The following BRI3 variants were observed in gnomAD, a reference collection of about 807,000 sequenced individuals.
The protein encoded by BRI3 is brain protein I3.
Under a neutral mutation model 12.8 loss-of-function variants are expected in BRI3, and 6 were observed. The observed-to-expected ratio is 0.47, with a 90% CI of 0.26 to 0.93. BRI3 has a LOEUF of 0.93. Ranked by LOEUF, BRI3 falls within the 40% of genes least tolerant of loss-of-function variation. The probability of loss-of-function intolerance (pLI) is 0.15; values close to 1 mark genes in which losing one functional copy is unlikely to be tolerated. For synonymous variants in BRI3, 91 were observed against 76.1 expected (o/e 1.20, Z -1.02); for missense variants, 134 against 171.1 (o/e 0.78, Z 1.21).
the BRI3 span, among the ~76,000 whole-genome samples, chr7:98,317,944 G>A: frequency 2.1e-5 from 3 of 141,534 alleles, no homozygotes; most frequent in African/African-American, 5.2e-5. Context: ...CACACTGGCC[G>A]GGGCCCTCAC....
In BRI3 at chr7:98,291,477, TG is replaced by T. The variant is rs1799952830; in HGVS notation, c.*235del. 7.4e-7 allele frequency: 1 copy of T among 1,342,904 alleles called. No individual in the cohort carries two copies. The highest frequency in any genetic ancestry group is 3.1e-5 in the East Asian group (1 of 32,198). 83.2% of individuals were successfully genotyped at this position (1,342,904 alleles called of 1,614,324 possible). On this transcript the variant is annotated 3_prime_UTR_variant, in exon 3 of 3. Coordinates refer to ENST00000297290, the MANE Select transcript of BRI3 (RefSeq NM_015379.5). ...CTTTTATTTTTTGCAGTCTTCAATT[TG>T]AGAAAGGTGAGAAATAATGTTTTCA...
At chr7:98,309,308 C>A (rs1403270405) in exon 2 of BRI3, 1 of 152,184 alleles carries the variant, frequency 6.6e-6, no homozygotes, top group African/African-American at 2.4e-5. Flanking sequence ...GCGCGTGCCA[C>A]CATGCTCGGC....
At chr7:98,287,362 G>T (rs893361769) in intron 2 of BRI3, among the ~76,000 whole-genome samples, 1 of 152,250 alleles carries the variant, frequency 6.6e-6, no homozygotes, top group Admixed American at 6.5e-5. Flanking sequence ...TGGCACAAAC[G>T]GCCCAGCCCT....
upstream of BRI3, among the ~76,000 whole-genome samples, chr7:98,304,865 ATTTTT>A (rs11423233): frequency 2.9e-5 from 4 of 136,318 alleles, no homozygotes; most frequent in African/African-American, 8.2e-5. Context: ...CTCACAAGAA[ATTTTT>A]TTTTTTTTTT....
downstream of BRI3, chr7:98,292,986 A>AGACCACCG: frequency 8.5e-7 from 1 of 1,176,412 alleles, no homozygotes; most frequent in Non-Finnish European, 1.1e-6. Flanking sequence ...CCATCTCTGG[A>AGACCACCG]AGCTCTACAC....
upstream of BRI3, among the ~76,000 whole-genome samples, chr7:98,302,870 G>A (rs1407478225): frequency 1.3e-5 from 2 of 152,092 alleles, no homozygotes; most frequent in Non-Finnish European, 2.9e-5. Context: ...CAGCAGCCTC[G>A]AACTTCTGGG....
At chr7:98,306,609 G>C in exon 1 of BRI3, 1 of 1,574,432 alleles carries the variant, frequency 6.4e-7, no homozygotes, top group Non-Finnish European at 8.7e-7. Flanking sequence ...GGGCAGACAG[G>C]TCCACTGCTC....
intron 1 of BRI3, among the ~76,000 whole-genome samples, chr7:98,298,630 A>AC (rs1800290239): frequency 6.6e-6 from 1 of 152,046 alleles, no homozygotes; most frequent in Non-Finnish European, 1.5e-5. Flanking sequence ...AACAAAAAAA[A>AC]CATGAGGATG....
At chr7:98,293,437 A>T, downstream of BRI3, 1 of 1,305,486 alleles carries the variant, frequency 7.7e-7, no homozygotes, top group Non-Finnish European at 1.1e-6. Flanking sequence ...AAGCTTCCCG[A>T]CCGTCAGCAC....
At chr7:98,310,739 T>C, downstream of BRI3, 1 of 622,598 alleles carries the variant, frequency 1.6e-6, no homozygotes, top group Non-Finnish European at 2.5e-6. Context: ...CAGGCTGGAG[T>C]ACAGTGGCAC....
the BRI3 span, chr7:98,317,440 G>A: frequency 6.4e-7 from 1 of 1,550,756 alleles, no homozygotes; most frequent in Non-Finnish European, 8.8e-7. Flanking sequence ...CTTCCACTGT[G>A]TGTGGCTCAA....
chr7:98,282,620 A>G (rs1799564133), intron 2 of BRI3, 167 bp downstream of exon 2: 2 of 623,222 alleles, frequency 3.2e-6, no homozygotes, highest in South Asian at 3.8e-5. Flanking sequence ...GCGGTGTGGG[A>G]GAGTGCGGGT....
upstream of BRI3, among the ~76,000 whole-genome samples, chr7:98,303,508 A>C (rs746641190): frequency 2.6e-5 from 4 of 152,206 alleles, no homozygotes; most frequent in South Asian, 8.3e-4. Context: ...CATGGCTTCT[A>C]GTGTCAGTGT....
At chr7:98,297,601 C>A (rs137967589), downstream of BRI3, among the ~76,000 whole-genome samples, 14 of 152,304 alleles carry the variant, frequency 9.2e-5, no homozygotes, top group African/African-American at 3.4e-4. Flanking sequence ...TTCCAGTCCT[C>A]GTCTGTGGCC....
intron 2 of BRI3, among the ~76,000 whole-genome samples, chr7:98,287,595 G>T (rs770900416): frequency 6.6e-6 from 1 of 152,236 alleles, no homozygotes; most frequent in Non-Finnish European, 1.5e-5. Flanking sequence ...GTGGGCCGGC[G>T]CCCTGGCCCG....
downstream of BRI3, chr7:98,293,455 A>T (rs906479734): frequency 2.7e-6 from 4 of 1,456,522 alleles, no homozygotes; most frequent in Non-Finnish European, 2.9e-6. Context: ...CACGTGGCAG[A>T]CAGGATGCGC....
At chr7:98,321,338 A>T in the BRI3 span, among the ~76,000 whole-genome samples, 2 of 152,316 alleles carry the variant, frequency 1.3e-5, no homozygotes, top group South Asian at 4.1e-4. Context: ...GGCACGAGAG[A>T]TAAAGGCTAT....
At chr7:98,304,887 T>C (rs567699795), upstream of BRI3, among the ~76,000 whole-genome samples, 61 of 147,466 alleles carry the variant, frequency 4.1e-4, no homozygotes, top group African/African-American at 1.4e-3. Context: ...TTTTTTGAGA[T>C]GGGGTTTCCC....
At chr7:98,306,264 G>A (rs1038123758), upstream of BRI3, among the ~76,000 whole-genome samples, 2 of 152,064 alleles carry the variant, frequency 1.3e-5, no homozygotes, top group African/African-American at 4.8e-5. Flanking sequence ...AGCAAAGCTC[G>A]GGGACAACAG....
Sources: allele counts gnomAD v4.1 joint callset (sites outside exome capture counted in the v4.1 genomes callset), GRCh38; gene constraint gnomAD v4.1.1; transcripts MANE v1.5; gene names NCBI Gene and HGNC (gene_info 2026-07-23, HGNC 2026-07-21).